The following PACS1 variants were observed in gnomAD, a reference collection of about 807,000 sequenced individuals.
PACS1 encodes phosphofurin acidic cluster sorting protein 1.
PACS1 carries 24 observed loss-of-function variants against 115.0 expected under a neutral mutation model. That is an observed-to-expected ratio of 0.21 (90% CI 0.15 to 0.29). The LOEUF (loss-of-function observed/expected upper bound fraction) is 0.29, where lower values mean the gene tolerates loss of function less well. Ranked by LOEUF, PACS1 falls within the 10% of genes least tolerant of loss-of-function variation. The pLI, the probability that PACS1 is intolerant of heterozygous loss-of-function variation, is 1.00. For synonymous variants in PACS1, 453 were observed against 504.5 expected, an observed-to-expected ratio of 0.90 and a Z score of 1.37; for missense variants, 838 against 1,251.2, an observed-to-expected ratio of 0.67 and a Z score of 4.98.
At chr11:66,234,692 A>G (rs1200081890) in intron 17 of PACS1, among the ~76,000 whole-genome samples, 1 of 152,170 alleles carries the variant, frequency 6.6e-6, no homozygotes, top group Admixed American at 6.5e-5. Flanking sequence ...AGCCTGGGCA[A>G]CATAGCAAGA....
chr11:66,136,447 C>A (rs1016550387), intron 1 of PACS1, among the ~76,000 whole-genome samples: 1 of 151,838 alleles, frequency 6.6e-6, no homozygotes, highest in Admixed American at 6.6e-5. Flanking sequence ...CCAGAGAACA[C>A]CCTACTTAGA....
intron 7 of PACS1, chr11:66,217,374 C>A: frequency 3.0e-6 from 1 of 334,408 alleles, no homozygotes; most frequent in Non-Finnish European, 6.0e-6. Context: ...AGCTAAAAAC[C>A]TGAATTCCTA....
intron 1 of PACS1, among the ~76,000 whole-genome samples, chr11:66,113,587 A>AT (rs1268301975): frequency 2.0e-5 from 3 of 152,232 alleles, no homozygotes; most frequent in Non-Finnish European, 4.4e-5. Context: ...ATAAGAGTAT[A>AT]TTTTAAACTC....
intron 1 of PACS1, among the ~76,000 whole-genome samples, chr11:66,165,223 A>C (rs1859575485): frequency 1.3e-5 from 2 of 152,144 alleles, no homozygotes; most frequent in Non-Finnish European, 2.9e-5. Context: ...GCAGCATCTG[A>C]CACATCTTCT....
chr11:66,086,134 C>CT (rs1196106929), intron 1 of PACS1, among the ~76,000 whole-genome samples: 3,233 of 122,808 alleles, frequency 0.026, 64 homozygotes, highest in Non-Finnish European at 0.036. Context: ...CTTATGATTT[C>CT]TTTTTTTTTT....
chr11:66,190,197 C>G (rs984990728), intron 1 of PACS1, among the ~76,000 whole-genome samples: 4 of 152,198 alleles, frequency 2.6e-5, no homozygotes, highest in African/African-American at 9.7e-5. Flanking sequence ...CTCCCAATTG[C>G]AGCAGTTTTT....
chr11:66,235,196 TC>T lies in PACS1; in HGVS notation c.2105-103del, dbSNP rs1459696267. 1.8e-5 allele frequency: 14 copies of T among 773,834 alleles called. No individual in the cohort carries two copies. Among genetic ancestry groups the T allele is most frequent in the African/African-American group, 1.7e-4 (10 of 58,576 alleles). 47.9% of individuals were successfully genotyped at this position (773,834 alleles called of 1,614,324 possible). ...CGTAGAGCCCCATCCTTCACTCAACTCCTAGAGTCTGACGGGTCTCAGGAAG... is the reference window on the plus strand; with the variant it reads ...CGTAGAGCCCCATCCTTCACTCAACTCTAGAGTCTGACGGGTCTCAGGAAG... On this transcript the variant is annotated intron_variant, in intron 17 of 23. Coordinates refer to ENST00000320580, the MANE Select transcript of PACS1 (RefSeq NM_018026.4). This position sits in a 1 kb window ranked among gnomAD's most constrained non-coding sequence, Gnocchi z 5.6.
intron 22 of PACS1, among the ~76,000 whole-genome samples, chr11:66,242,234 C>T (rs530202147): frequency 2.6e-5 from 4 of 152,306 alleles, no homozygotes; most frequent in South Asian, 4.1e-4. Context: ...CGCCTGCCAC[C>T]GTTGGTGCCA....
chr11:66,180,631 G>A (rs928120138), intron 1 of PACS1, among the ~76,000 whole-genome samples: 2 of 152,040 alleles, frequency 1.3e-5, no homozygotes, highest in African/African-American at 4.8e-5. Context: ...GGAATTACAG[G>A]CGTGCGCCAC....
chr11:66,201,662 G>GT lies in PACS1; in HGVS notation c.444+8101dup, dbSNP rs1554988447. Among the ~76,000 whole-genome samples the GT allele has an allele frequency of 2.6e-3, 373 of 145,042 alleles. 8 individuals are homozygous for GT. In the East Asian group the frequency reaches 0.05, roughly 20 times the overall value. On this transcript the variant is annotated intron_variant, in intron 2 of 23. Coordinates refer to ENST00000320580, the MANE Select transcript of PACS1 (RefSeq NM_018026.4). ...ACAAAACAAAATGTTTTGGGTTTTT[G>GT]TTTTTTTTTTTTCTGAGACGGAGTT...
At chr11:66,143,349 A>G (rs975256013) in intron 1 of PACS1, among the ~76,000 whole-genome samples, 4 of 152,166 alleles carry the variant, frequency 2.6e-5, no homozygotes, top group African/African-American at 9.7e-5. Flanking sequence ...TGGAGGCTGC[A>G]GTGTTATGAG....
intron 1 of PACS1, among the ~76,000 whole-genome samples, chr11:66,152,575 A>G (rs1198031410): frequency 6.6e-6 from 1 of 152,262 alleles, no homozygotes; most frequent in Admixed American, 6.5e-5. Flanking sequence ...TCATAGTCAA[A>G]TTGCTGAAAC....
At chr11:66,175,310 G>T (rs12420458) in intron 1 of PACS1, among the ~76,000 whole-genome samples, 2 of 151,872 alleles carry the variant, frequency 1.3e-5, no homozygotes, top group Admixed American at 6.6e-5. Context: ...CTTTGTCTTT[G>T]GTATTCTACA....
At chr11:66,127,453 G>A (rs980089151) in intron 1 of PACS1, among the ~76,000 whole-genome samples, 11 of 152,302 alleles carry the variant, frequency 7.2e-5, no homozygotes, top group South Asian at 4.1e-4. Context: ...GCAGAGAACC[G>A]CCTGGTCCTC....
chr11:66,113,775 T>C (rs1416154425), intron 1 of PACS1, among the ~76,000 whole-genome samples: 2 of 152,254 alleles, frequency 1.3e-5, no homozygotes, highest in Admixed American at 1.3e-4. Flanking sequence ...CTGACATTAA[T>C]ATACTTTATT....
At position 66,242,171 on chromosome 11, in the gene PACS1, C is replaced by T. The variant is rs544178176; in HGVS notation, c.2656+518C>T. Among the ~76,000 whole-genome samples the T allele has an allele frequency of 3.4e-4, 52 of 152,336 alleles. 1 individual carries two copies. The South Asian group carries it at 7.7e-3, about 22-fold the overall frequency. On this transcript the variant is annotated intron_variant, in intron 22 of 23. Transcript: ENST00000320580. ...AGGGGAGTTGGAGCTGGCCCGGCTC[C>T]TGTGCGTGGGAGTGAGGCAGGAACC...
At chr11:66,126,160 A>G (rs568513125) in intron 1 of PACS1, among the ~76,000 whole-genome samples, 1 of 151,894 alleles carries the variant, frequency 6.6e-6, no homozygotes, top group Non-Finnish European at 1.5e-5. Context: ...CTCATGCTCT[A>G]TTTTCTGATT....
intron 1 of PACS1, among the ~76,000 whole-genome samples, chr11:66,152,412 G>C (rs1475317627): frequency 6.6e-6 from 1 of 152,132 alleles, no homozygotes; most frequent in Non-Finnish European, 1.5e-5. Context: ...TAACATAAGT[G>C]TACTTGGAGT....
intron 2 of PACS1, among the ~76,000 whole-genome samples, chr11:66,208,595 G>A (rs756663660): frequency 3.3e-5 from 5 of 149,878 alleles, no homozygotes; most frequent in African/African-American, 4.9e-5. Flanking sequence ...TGGAAAGATC[G>A]TTTGAGCTCA....
Sources: gnomAD v4.1 joint callset for allele counts (sites outside exome capture counted in the v4.1 genomes callset) on GRCh38, gnomAD v4.1.1 for gene constraint, Gnocchi (gnomAD v3.1) non-coding constraint, MANE v1.5 for transcripts, NCBI Gene and HGNC (gene_info 2026-07-23, HGNC 2026-07-21) for gene names.